The following CTNND2 variants were observed in gnomAD, a reference collection of about 807,000 sequenced individuals.
The protein encoded by CTNND2 is catenin delta 2.
Under a neutral mutation model 144.4 loss-of-function variants are expected in CTNND2, and 22 were observed. The observed-to-expected ratio is 0.15, with a 90% confidence interval of 0.11 to 0.22. The LOEUF (loss-of-function observed/expected upper bound fraction) is 0.22. CTNND2 is among the 10% of genes least tolerant of loss of function. The pLI is 1.00. For synonymous variants in CTNND2, 751 were observed against 695.6 expected, an observed-to-expected ratio of 1.08 and a Z score of -1.25; for missense variants, 1,353 against 1,618.8, an observed-to-expected ratio of 0.84 and a Z score of 2.82.
intron 3 of CTNND2, among the ~76,000 whole-genome samples, chr5:11,508,678 G>A (rs973532463): frequency 1.3e-5 from 2 of 152,186 alleles, no homozygotes; most frequent in African/African-American, 2.4e-5. Flanking sequence ...ACGGGAGGCC[G>A]AGGTGGGTGG....
intron 3 of CTNND2, among the ~76,000 whole-genome samples, chr5:11,516,458 A>G (rs1347350534): frequency 6.6e-6 from 1 of 152,192 alleles, no homozygotes; most frequent in Non-Finnish European, 1.5e-5. Flanking sequence ...GAATTCAGAA[A>G]ACAATGTGTT....
At chr5:11,098,202 C>T (rs1027511052) in intron 15 of CTNND2, among the ~76,000 whole-genome samples, 7 of 152,156 alleles carry the variant, frequency 4.6e-5, no homozygotes, top group African/African-American at 1.7e-4. Context: ...GGATTTTACA[C>T]AGGTATTTGA....
chr5:11,167,328 G>C (rs956366044), intron 11 of CTNND2, among the ~76,000 whole-genome samples: 4 of 152,152 alleles, frequency 2.6e-5, no homozygotes, highest in African/African-American at 9.7e-5. Context: ...CAAATATTGA[G>C]AATTAGGTAG....
At chr5:11,286,448 C>T (rs1166582137) in intron 9 of CTNND2, among the ~76,000 whole-genome samples, 1 of 152,156 alleles carries the variant, frequency 6.6e-6, no homozygotes, top group East Asian at 1.9e-4. Flanking sequence ...AAAAAGACTA[C>T]AGATATTAAA....
chr5:11,303,997 TTC>T (rs538692720), intron 9 of CTNND2, among the ~76,000 whole-genome samples: 345 of 152,256 alleles, frequency 2.3e-3, no homozygotes, highest in Non-Finnish European at 2.7e-3. Context: ...TTGGTTCTCA[TTC>T]TCTCTCTTGC....
At chr5:11,707,121 C>T (rs916958480) in intron 2 of CTNND2, among the ~76,000 whole-genome samples, 20 of 151,908 alleles carry the variant, frequency 1.3e-4, no homozygotes, top group African/African-American at 4.3e-4. Context: ...ATTAGGTGTC[C>T]CACAACTATG....
In CTNND2 at chr5:11,250,516, T is replaced by TAC. The variant is rs1554012689; in HGVS notation, c.1629-13694_1629-13693insGT. On this transcript the variant is annotated intron_variant, in intron 9 of 21. Transcript: ENST00000304623. ...CTATATATATATATATATATATACATATATTTTTTTTTTTTTTTAGAGACA... is the reference window on the plus strand; with the variant it reads ...CTATATATATATATATATATATACATACATATTTTTTTTTTTTTTTAGAGACA... Among the ~76,000 whole-genome samples, 66 of 38,280 alleles carry TAC rather than the reference T, an allele frequency of 1.7e-3. 1 individual carries two copies. Among genetic ancestry groups the TAC allele is most frequent in the African/African-American group, 0.012 (61 of 5,180 alleles). The allele number at this position is 38,280 out of a possible 152,430, so 25.1% of individuals were successfully genotyped here.
intron 1 of CTNND2, among the ~76,000 whole-genome samples, chr5:11,804,947 G>A (rs1371350215): frequency 6.6e-6 from 1 of 152,166 alleles, no homozygotes; most frequent in Non-Finnish European, 1.5e-5. Context: ...AAAAGAAATG[G>A]TGTTCTAAGT....
intron 1 of CTNND2, among the ~76,000 whole-genome samples, chr5:11,855,914 C>T (rs532688900): frequency 2.6e-5 from 4 of 152,118 alleles, no homozygotes; most frequent in Non-Finnish European, 4.4e-5. Flanking sequence ...AGGATATTGC[C>T]GGATAATTGA....
intron 9 of CTNND2, among the ~76,000 whole-genome samples, chr5:11,254,711 G>A (rs549353394): frequency 4.0e-4 from 61 of 152,306 alleles, no homozygotes; most frequent in Non-Finnish European, 6.3e-4. Flanking sequence ...AGTATGAAAT[G>A]TATAAAATAC....
At chr5:11,173,453 G>A (rs1344320154) in intron 11 of CTNND2, among the ~76,000 whole-genome samples, 1 of 152,320 alleles carries the variant, frequency 6.6e-6, no homozygotes, top group African/African-American at 2.4e-5. Flanking sequence ...GGATTCTGTA[G>A]AGAATCCCAG....
intron 3 of CTNND2, among the ~76,000 whole-genome samples, chr5:11,435,564 A>G (rs1763698823): frequency 1.3e-5 from 2 of 152,180 alleles, no homozygotes; most frequent in Admixed American, 6.5e-5. Context: ...ACCTAGGCAA[A>G]TAGATGCTGC....
intron 2 of CTNND2, among the ~76,000 whole-genome samples, chr5:11,591,922 C>G (rs1581576556): frequency 6.6e-6 from 1 of 151,944 alleles, no homozygotes; most frequent in East Asian, 1.9e-4. Context: ...GGGAGCAATT[C>G]TAAGTATGAA....
intron 1 of CTNND2, among the ~76,000 whole-genome samples, chr5:11,852,517 T>A (rs1200071195): frequency 6.6e-6 from 1 of 152,060 alleles, no homozygotes; most frequent in Non-Finnish European, 1.5e-5. Flanking sequence ...CACAGCATGA[T>A]GTGAAGGAAA....
chr5:11,557,152 T>C (rs1343349003), intron 3 of CTNND2, among the ~76,000 whole-genome samples: 1 of 152,180 alleles, frequency 6.6e-6, no homozygotes, highest in African/African-American at 2.4e-5. Flanking sequence ...GTAATATATA[T>C]CTAACATGAC....
At chr5:11,877,622 C>T (rs1003975144) in intron 1 of CTNND2, among the ~76,000 whole-genome samples, 7 of 152,014 alleles carry the variant, frequency 4.6e-5, no homozygotes, top group Non-Finnish European at 8.8e-5. Context: ...TATTGAGAAG[C>T]TTTCATTTCA....
intron 11 of CTNND2, among the ~76,000 whole-genome samples, chr5:11,163,538 T>C (rs545160042): frequency 2.0e-5 from 3 of 152,318 alleles, no homozygotes; most frequent in Admixed American, 6.5e-5. Flanking sequence ...ATAGACAATA[T>C]ACCTTTCCTT....
intron 3 of CTNND2, among the ~76,000 whole-genome samples, chr5:11,492,284 T>TA (rs893796409): frequency 2.0e-4 from 30 of 152,312 alleles, no homozygotes; most frequent in Middle Eastern, 3.4e-3. Context: ...AAGGAGCTTT[T>TA]AGACTGGTGT....
In CTNND2 at chr5:10,973,739, G is replaced by A. The variant is rs756711386; in HGVS notation, c.3418-26C>T. ...CTAAACGGGAAAGAAGAGCCACACT[G>A]GGTTACTTGGTTTCCCTTGACTCAG... On this transcript the variant is annotated intron_variant, in intron 21 of 21. Transcript: ENST00000304623. This position sits in a 1 kb window ranked among gnomAD's most constrained non-coding sequence, Gnocchi z 5.6. 6.4e-6 allele frequency: 10 copies of A among 1,557,294 alleles called. No homozygotes were observed. The South Asian group carries it at 1.2e-4, about 19-fold the overall frequency.
Sources: allele counts gnomAD v4.1 joint callset (sites outside exome capture counted in the v4.1 genomes callset), GRCh38; gene constraint gnomAD v4.1.1; non-coding constraint Gnocchi (gnomAD v3.1); transcripts MANE v1.5; gene names NCBI Gene and HGNC (gene_info 2026-07-23, HGNC 2026-07-21).